ALKAL1: variants seen among roughly 807,000 people sequenced by gnomAD.
The protein encoded by ALKAL1 is AUG-beta.
Under a neutral mutation model 13.5 loss-of-function variants are expected in ALKAL1, and 23 were observed. That is an observed-to-expected ratio of 1.70 (90% CI 1.23 to 2.41). The LOEUF (loss-of-function observed/expected upper bound fraction) is 2.41. Among genes scored for constraint, ALKAL1 ranks in the 30% most tolerant of loss-of-function variants. The pLI, the probability that ALKAL1 is intolerant of heterozygous loss-of-function variation, is 0.00. For missense variants in ALKAL1, 181 were observed against 178.4 expected, an observed-to-expected ratio of 1.01 and a Z score of -0.08; for synonymous variants, 85 against 77.7, an observed-to-expected ratio of 1.09 and a Z score of -0.49.
intron 1 of ALKAL1, among the ~76,000 whole-genome samples, chr8:52,550,949 T>C (rs965489730): frequency 1.3e-5 from 2 of 152,190 alleles, no homozygotes; most frequent in African/African-American, 4.8e-5. Flanking sequence ...AGATCCTCAA[T>C]GTATTTTGAG....
chr8:52,537,998 AG>A (rs1321768499), intron 4 of ALKAL1, among the ~76,000 whole-genome samples: 4 of 151,780 alleles, frequency 2.6e-5, no homozygotes, highest in Non-Finnish European at 5.9e-5. Context: ...TGAGAGGCTG[AG>A]GCAGGAGAAT....
chr8:52,546,506 A>AC (rs1847370645), intron 1 of ALKAL1, among the ~76,000 whole-genome samples: 1 of 152,190 alleles, frequency 6.6e-6, no homozygotes, highest in Non-Finnish European at 1.5e-5. Flanking sequence ...GCTTTGGCTT[A>AC]CTCAGGCATG....
At chr8:52,543,506 C>A (rs898337184) in intron 1 of ALKAL1, among the ~76,000 whole-genome samples, 4 of 152,194 alleles carry the variant, frequency 2.6e-5, no homozygotes, top group African/African-American at 9.6e-5. Flanking sequence ...GAGTTCAGGG[C>A]CTGGTTCAGG....
At position 52,542,376 on chromosome 8, in the gene ALKAL1, T is replaced by C. The variant is rs748237866; in HGVS notation, c.244+16A>G. On this transcript the variant is annotated intron_variant, in intron 2 of 4. Coordinates refer to ENST00000358543, the MANE Select transcript of ALKAL1 (RefSeq NM_207413.4). The stretch of plus-strand genomic sequence containing the variant: ...TTTATTTAGTTAATGGAATCACTGA[T>C]ACATTTTGTACTTACCTGTGAAATG... 9 of 1,473,700 alleles carry C rather than the reference T, an allele frequency of 6.1e-6. No homozygotes were observed. The highest frequency in any genetic ancestry group is 5.6e-5 in the African/African-American group (4 of 71,300). The allele number at this position is 1,473,700 out of a possible 1,614,324, so 91.3% of individuals were successfully genotyped here.
intron 1 of ALKAL1, among the ~76,000 whole-genome samples, chr8:52,554,930 G>C (rs572870398): frequency 6.6e-6 from 1 of 152,214 alleles, no homozygotes; most frequent in Non-Finnish European, 1.5e-5. Context: ...CCAGCACTTT[G>C]GGAGGCTGAG....
chr8:52,562,101 G>C (rs1847556630), intron 1 of ALKAL1, among the ~76,000 whole-genome samples: 1 of 152,074 alleles, frequency 6.6e-6, no homozygotes, highest in Non-Finnish European at 1.5e-5. Flanking sequence ...TCCCTTGTTT[G>C]TGCCATCCTG....
chr8:52,543,548 G>C (rs529558398), intron 1 of ALKAL1, among the ~76,000 whole-genome samples: 8 of 152,210 alleles, frequency 5.3e-5, no homozygotes, highest in African/African-American at 1.9e-4. Context: ...GGAATGCAGA[G>C]AGATCGGAGC....
intron 2 of ALKAL1, 77 bp from the exon 3 acceptor site, chr8:52,539,988 G>T: frequency 1.6e-6 from 2 of 1,258,772 alleles, no homozygotes; most frequent in Non-Finnish European, 2.3e-6. Flanking sequence ...TTTATGGGTG[G>T]ATATAATACA....
In ALKAL1 at chr8:52,561,507, G is replaced by A. The variant is rs533533631; in HGVS notation, c.190+3560C>T. Among the ~76,000 whole-genome samples, 5 of 152,230 alleles carry A rather than the reference G, an allele frequency of 3.3e-5. No individual in the cohort carries two copies. The South Asian group carries it at 1.0e-3, about 32-fold the overall frequency. On this transcript the variant is annotated intron_variant, in intron 1 of 4. Transcript: ENST00000358543. The stretch of plus-strand genomic sequence containing the variant: ...GCAGAATGGCCTCTGTAAGGAGGGG[G>A]TACCAAGCCTGGGACTGGCACAGAG...
intron 1 of ALKAL1, among the ~76,000 whole-genome samples, chr8:52,560,827 T>A (rs968830453): frequency 6.6e-6 from 1 of 152,184 alleles, no homozygotes; most frequent in South Asian, 2.1e-4. Context: ...CGTCTGGTCA[T>A]ATATATAACC....
At chr8:52,537,108 T>C (rs1313778282) in intron 4 of ALKAL1, among the ~76,000 whole-genome samples, 1 of 152,224 alleles carries the variant, frequency 6.6e-6, no homozygotes, top group African/African-American at 2.4e-5. Flanking sequence ...ATCCAGAGTA[T>C]ACAAACAATT....
intron 4 of ALKAL1, among the ~76,000 whole-genome samples, chr8:52,537,298 C>T (rs1187737610): frequency 6.6e-6 from 1 of 152,048 alleles, no homozygotes; most frequent in Non-Finnish European, 1.5e-5. Flanking sequence ...GTTAGAATGG[C>T]TATTGTCAAA....
chr8:52,550,863 T>C (rs1316388838), intron 1 of ALKAL1, among the ~76,000 whole-genome samples: 2 of 152,120 alleles, frequency 1.3e-5, no homozygotes, highest in Non-Finnish European at 2.9e-5. Flanking sequence ...TACTCCACTA[T>C]GACCTCATCA....
At chr8:52,543,461 T>C (rs1847334425) in intron 1 of ALKAL1, among the ~76,000 whole-genome samples, 1 of 152,178 alleles carries the variant, frequency 6.6e-6, no homozygotes, top group Non-Finnish European at 1.5e-5. Context: ...CACTTCCCTG[T>C]GCAGGGAGCT....
At chr8:52,562,764 G>T (rs1431233984) in intron 1 of ALKAL1, among the ~76,000 whole-genome samples, 1 of 152,136 alleles carries the variant, frequency 6.6e-6, no homozygotes, top group Non-Finnish European at 1.5e-5. Flanking sequence ...AGAAATATGG[G>T]GCCATCATTC....
chr8:52,552,936 G>A (rs1332172462), intron 1 of ALKAL1, among the ~76,000 whole-genome samples: 1 of 152,192 alleles, frequency 6.6e-6, no homozygotes, highest in Non-Finnish European at 1.5e-5. Context: ...GGTGACTACG[G>A]TGTGGCTGCT....
intron 1 of ALKAL1, among the ~76,000 whole-genome samples, chr8:52,560,692 C>A (rs1847540545): frequency 6.6e-6 from 1 of 152,184 alleles, no homozygotes; most frequent in South Asian, 2.1e-4. Flanking sequence ...TAGGCTCCTG[C>A]AGAAAGGCCA....
At chr8:52,542,532 G>A (rs745847504) in intron 1 of ALKAL1, 87 bp from the exon 2 acceptor site, 22 of 794,294 alleles carry the variant, frequency 2.8e-5, no homozygotes, top group Middle Eastern at 2.9e-4. Flanking sequence ...ACTTAATAAG[G>A]CACTAAACAC....
chr8:52,560,229 T>A (rs554292635), intron 1 of ALKAL1, among the ~76,000 whole-genome samples: 2 of 152,308 alleles, frequency 1.3e-5, no homozygotes, highest in Admixed American at 6.5e-5. Context: ...TAATAAAATT[T>A]TAATTTTATT....
Sources: allele counts gnomAD v4.1 joint callset (sites outside exome capture counted in the v4.1 genomes callset), GRCh38; gene constraint gnomAD v4.1.1; transcripts MANE v1.5; gene names NCBI Gene and HGNC (gene_info 2026-07-23, HGNC 2026-07-21).